Variants in ZSWIM6 observed in about 807,000 individuals in gnomAD.
The protein encoded by ZSWIM6 is zinc finger SWIM domain-containing protein 6.
ZSWIM6 carries 9 observed loss-of-function variants against 113.2 expected under a neutral mutation model. The observed-to-expected ratio is 0.08, with a 90% confidence interval of 0.05 to 0.14. ZSWIM6 has a LOEUF of 0.14. Ranked by LOEUF, ZSWIM6 falls within the 10% of genes least tolerant of loss-of-function variation. The pLI is 1.00. For missense variants in ZSWIM6, 1,162 were observed against 1,552.2 expected (o/e 0.75, Z 4.22); for synonymous variants, 611 against 606.5 (o/e 1.01, Z -0.11).
At chr5:61,453,457 C>T (rs759569015) in intron 1 of ZSWIM6, among the ~76,000 whole-genome samples, 1 of 151,286 alleles carries the variant, frequency 6.6e-6, no homozygotes, top group Non-Finnish European at 1.5e-5. Context: ...CTCACTGCAG[C>T]CTGGACCTCC....
intron 1 of ZSWIM6, among the ~76,000 whole-genome samples, chr5:61,454,564 TA>T (rs1747159360): frequency 7.0e-6 from 1 of 143,672 alleles, no homozygotes; most frequent in Non-Finnish European, 1.5e-5. Context: ...TGCCTATCCC[TA>T]AGTTTTTTTT....
chr5:61,333,133 C>G (rs954431101), intron 1 of ZSWIM6, among the ~76,000 whole-genome samples, 185 bp downstream of exon 1: 9 of 151,924 alleles, frequency 5.9e-5, no homozygotes, highest in Admixed American at 2.6e-4. Context: ...TTCCCTGCCC[C>G]CCGTCGCCCC....
chr5:61,517,675 G>C (rs563911847), intron 4 of ZSWIM6, among the ~76,000 whole-genome samples: 2 of 151,886 alleles, frequency 1.3e-5, no homozygotes, highest in South Asian at 2.1e-4. Context: ...TTCTTTGTAA[G>C]TCACATAATT....
chr5:61,533,672 G>A (rs1749503267), intron 9 of ZSWIM6, among the ~76,000 whole-genome samples: 1 of 152,192 alleles, frequency 6.6e-6, no homozygotes, highest in Non-Finnish European at 1.5e-5. Context: ...TAATTTGGTG[G>A]TTTAAGGGGA....
At chr5:61,475,387 G>A (rs1233432347) in intron 2 of ZSWIM6, among the ~76,000 whole-genome samples, 2 of 152,128 alleles carry the variant, frequency 1.3e-5, no homozygotes, top group Non-Finnish European at 2.9e-5. Context: ...TTGAAATAAT[G>A]GAACCAATGA....
chr5:61,440,715 G>T (rs928932214), intron 1 of ZSWIM6, among the ~76,000 whole-genome samples: 5 of 152,160 alleles, frequency 3.3e-5, no homozygotes, highest in Non-Finnish European at 5.9e-5. Context: ...GAATGTTTGG[G>T]GCGTTCAGGC....
chr5:61,433,340 G>C (rs1448309623), intron 1 of ZSWIM6, among the ~76,000 whole-genome samples: 1 of 152,076 alleles, frequency 6.6e-6, no homozygotes, highest in Non-Finnish European at 1.5e-5. Context: ...AAGGCATGCG[G>C]TGTGGCATTT....
At chr5:61,429,582 T>C (rs1312765497) in intron 1 of ZSWIM6, among the ~76,000 whole-genome samples, 3 of 152,156 alleles carry the variant, frequency 2.0e-5, no homozygotes, top group Non-Finnish European at 4.4e-5. Flanking sequence ...TATGAGTGGA[T>C]GTAAATATCT....
intron 1 of ZSWIM6, among the ~76,000 whole-genome samples, chr5:61,444,545 C>G (rs1297671693): frequency 6.6e-6 from 1 of 152,124 alleles, no homozygotes; most frequent in African/African-American, 2.4e-5. Flanking sequence ...AATGGTTGAA[C>G]TAGTTTACAG....
At chr5:61,423,301 G>T (rs982585912) in intron 1 of ZSWIM6, among the ~76,000 whole-genome samples, 1 of 152,040 alleles carries the variant, frequency 6.6e-6, no homozygotes, top group Middle Eastern at 3.4e-3. Flanking sequence ...CCAGCTACTC[G>T]GTAGGCTGAG....
chr5:61,416,942 G>T (rs555878179), intron 1 of ZSWIM6, among the ~76,000 whole-genome samples: 68 of 152,306 alleles, frequency 4.5e-4, no homozygotes, highest in African/African-American at 1.6e-3. Context: ...AGGAGTTTGA[G>T]ACCAGCCTGA....
chr5:61,486,886 G>A (rs539728258), intron 2 of ZSWIM6, among the ~76,000 whole-genome samples: 2 of 152,132 alleles, frequency 1.3e-5, no homozygotes, highest in Admixed American at 1.3e-4. Flanking sequence ...TCTGCAGGTT[G>A]TCTCTTCACT....
intron 1 of ZSWIM6, among the ~76,000 whole-genome samples, chr5:61,397,233 G>C (rs1745855343): frequency 6.6e-6 from 1 of 152,160 alleles, no homozygotes; most frequent in African/African-American, 2.4e-5. Flanking sequence ...CCAGTTGTGT[G>C]TAATACTGTA....
chr5:61,339,753 T>C (rs1486668926), intron 1 of ZSWIM6, among the ~76,000 whole-genome samples: 2 of 152,240 alleles, frequency 1.3e-5, no homozygotes, highest in Non-Finnish European at 2.9e-5. Context: ...CAAAACCGTT[T>C]TTAGCTACCT....
chr5:61,359,996 C>CAGAG lies in ZSWIM6; in HGVS notation c.676+27069_676+27072dup, dbSNP rs146077379. ...GGAGGGTAATGTTGGACCAGAAAAG[C>CAGAG]AGAGAGAGAGAGAGAGAGAGAGAGG... On this transcript the variant is annotated intron_variant, in intron 1 of 13. Coordinates refer to ENST00000252744, the MANE Select transcript of ZSWIM6 (RefSeq NM_020928.2). Among the ~76,000 whole-genome samples, 603 of 147,570 alleles carry CAGAG rather than the reference C, an allele frequency of 4.1e-3. 4 individuals carry two copies. The highest frequency in any genetic ancestry group is 0.022 in the South Asian group (100 of 4,650).
At chr5:61,360,171 A>G (rs1336969681) in intron 1 of ZSWIM6, among the ~76,000 whole-genome samples, 1 of 152,204 alleles carries the variant, frequency 6.6e-6, no homozygotes, top group Non-Finnish European at 1.5e-5. Context: ...GCCACCACAG[A>G]TGATGATGGA....
chr5:61,532,142 T>C (rs16892251), intron 9 of ZSWIM6, among the ~76,000 whole-genome samples: 23,790 of 152,118 alleles, frequency 0.16, 2,091 homozygotes, highest in Admixed American at 0.21. Flanking sequence ...TTATTGGCGG[T>C]TACATGACAC....
chr5:61,416,785 A>G (rs1238979251), intron 1 of ZSWIM6, among the ~76,000 whole-genome samples: 1 of 152,270 alleles, frequency 6.6e-6, no homozygotes, highest in Non-Finnish European at 1.5e-5. Flanking sequence ...TTGAAAGAAC[A>G]GAAGTTGAGG....
At chr5:61,339,062 A>G (rs909620730) in intron 1 of ZSWIM6, among the ~76,000 whole-genome samples, 5 of 152,230 alleles carry the variant, frequency 3.3e-5, no homozygotes, top group Non-Finnish European at 7.3e-5. Context: ...TCATATGGAA[A>G]GATATGGACC....
Sources: gnomAD v4.1 joint callset for allele counts (sites outside exome capture counted in the v4.1 genomes callset) on GRCh38, gnomAD v4.1.1 for gene constraint, MANE v1.5 for transcripts, NCBI Gene and HGNC (gene_info 2026-07-23, HGNC 2026-07-21) for gene names.